The following F10 variants were observed in gnomAD, a reference collection of about 807,000 sequenced individuals.
The protein encoded by F10 is coagulation factor X, also known as Stuart-Prower factor.
Under a neutral mutation model 37.1 loss-of-function variants are expected in F10, and 29 were observed. That is an observed-to-expected ratio of 0.78 (90% CI 0.58 to 1.07). The LOEUF (loss-of-function observed/expected upper bound fraction) is 1.07, where lower values mean the gene tolerates loss of function less well. Among genes scored for constraint, F10 ranks in the 50% least tolerant of loss-of-function variants. The pLI is 0.00. For missense variants in F10, 539 were observed against 667.9 expected (o/e 0.81, Z 2.13); for synonymous variants, 262 against 268.6 (o/e 0.98, Z 0.24).
At position 113,143,452 on chromosome 13, in the gene F10, G is replaced by C. The variant is rs563865926; in HGVS notation, c.503-399G>C. Among the ~76,000 whole-genome samples, 4 of 152,106 alleles carry C rather than the reference G, an allele frequency of 2.6e-5. No homozygotes were observed. In the South Asian group the frequency reaches 6.2e-4, roughly 24 times the overall value. ...TTTTGCAGGGAGTCGCACACGCCCA[G>C]CACTTGGGTTCTCCTGTTGGCATCC... is the stretch of plus-strand genomic sequence containing the variant. On this transcript the variant is annotated intron_variant, in intron 5 of 7. Transcript: ENST00000375559. This position sits in a 1 kb window ranked among gnomAD's most constrained non-coding sequence, Gnocchi z 6.8.
chr13:113,145,454 A>C (rs527711392), intron 6 of F10, among the ~76,000 whole-genome samples: 61 of 152,384 alleles, frequency 4.0e-4, no homozygotes, highest in South Asian at 2.3e-3. Context: ...CTTTCAATTA[A>C]ATTTCAATTT....
chr13:113,143,695 G>A lies in F10; in HGVS notation c.503-156G>A, dbSNP rs532987006. Among the ~76,000 whole-genome samples, 6 of 152,232 alleles carry A rather than the reference G, an allele frequency of 3.9e-5. No individual in the cohort carries two copies. The East Asian group carries it at 5.8e-4, about 15-fold the overall frequency. ...CTCACCTGCAGATCCGACCCCTGCC[G>A]ACGACGTGGGGCCTCGCCCTGCAAG... is the stretch of plus-strand genomic sequence containing the variant. On this transcript the variant is annotated intron_variant, in intron 5 of 7. Transcript: ENST00000375559. The surrounding 1 kb of genome is among the most constrained non-coding windows in gnomAD (Gnocchi z 6.8).
At chr13:113,127,543 G>T (rs992433578) in intron 1 of F10, among the ~76,000 whole-genome samples, 1 of 152,172 alleles carries the variant, frequency 6.6e-6, no homozygotes, top group Non-Finnish European at 1.5e-5. Context: ...GATGTGGACA[G>T]CACAGCCCAC....
Position 113,136,860 on chromosome 13 carries a change from T to C in F10, c.232-1597T>C, listed in dbSNP as rs56175800. Among the ~76,000 whole-genome samples, 13 of 24,302 alleles carry C rather than the reference T, an allele frequency of 5.3e-4. 3 individuals carry two copies. The highest frequency in any genetic ancestry group is 8.0e-4 in the African/African-American group (9 of 11,182). The allele number at this position is 24,302 out of a possible 152,430, so 15.9% of individuals were successfully genotyped here. A position where few individuals can be genotyped will look rare whatever the true frequency, so the allele number is the denominator to read the frequency against. ...AGAGACGGGGTTTCACCGTTTTAGC[T>C]GGGATGGTCTCGATCTCCTGACCTC... On this transcript the variant is annotated intron_variant, in intron 2 of 7. Transcript: ENST00000375559.
intron 4 of F10, chr13:113,140,646 T>C: frequency 1.5e-6 from 1 of 650,732 alleles, no homozygotes; most frequent in Non-Finnish European, 2.9e-6. Context: ...ATGTGAGTGC[T>C]GCTGGGGCAG....
intron 2 of F10, among the ~76,000 whole-genome samples, chr13:113,137,490 G>A (rs1413243919): frequency 6.6e-6 from 1 of 152,182 alleles, no homozygotes; most frequent in African/African-American, 2.4e-5. Flanking sequence ...TTTGCTGTGT[G>A]AGAATTTTAA....
chr13:113,138,519 G>C (rs537014454), intron 3 of F10, 38 bp downstream of exon 3: 13 of 1,304,644 alleles, frequency 1.0e-5, no homozygotes, highest in Non-Finnish European at 1.3e-5. Flanking sequence ...AGTGAGAGGG[G>C]TTCATCAGGA....
chr13:113,144,206 G>T lies in F10; in HGVS notation c.747+111G>T. The T allele has an allele frequency of 6.5e-7, 1 of 1,532,672 alleles. No individual in the cohort carries two copies. 94.9% of individuals were successfully genotyped at this position (1,532,672 alleles called of 1,614,324 possible). ...TAGCAATCCGGGAAGGAACTGTTCC[G>T]AACTAGGACAGAGGGGCTCCGCCAC... is the stretch of plus-strand genomic sequence containing the variant. On this transcript the variant is annotated intron_variant, in intron 6 of 7. Transcript: ENST00000375559. This position sits in a 1 kb window ranked among gnomAD's most constrained non-coding sequence, Gnocchi z 6.4.
At position 113,139,483 on chromosome 13, in the gene F10, G is replaced by A; in HGVS notation, c.370+13G>A. ...AACTGTGAATTATGTAGGTTCCTCTGCTTGGTATACCTTCAGATCAGATGC... is the reference window on the plus strand; with the variant it reads ...AACTGTGAATTATGTAGGTTCCTCTACTTGGTATACCTTCAGATCAGATGC... On this transcript the variant is annotated intron_variant, in intron 4 of 7. Coordinates refer to ENST00000375559, the MANE Select transcript of F10 (RefSeq NM_000504.4). This position sits in a 1 kb window ranked among gnomAD's most constrained non-coding sequence, Gnocchi z 5.2. 1.2e-6 allele frequency: 2 copies of A among 1,600,720 alleles called. No individual in the cohort carries two copies. Among genetic ancestry groups the A allele is most frequent in the Non-Finnish European group, 1.7e-6 (2 of 1,167,838 alleles).
At chr13:113,133,741 A>G (rs1382380918) in intron 2 of F10, among the ~76,000 whole-genome samples, 1 of 152,224 alleles carries the variant, frequency 6.6e-6, no homozygotes, top group Non-Finnish European at 1.5e-5. Context: ...CTACGTAACA[A>G]TATCTCTCAT....
At chr13:113,128,139 G>C (rs1233749007) in intron 1 of F10, 2 of 152,212 alleles carry the variant, frequency 1.3e-5, no homozygotes, top group African/African-American at 4.8e-5. Flanking sequence ...TGATAAAGAA[G>C]CCAAACTCTG....
In F10 at chr13:113,129,468, G is replaced by A. The variant is rs1449584147; in HGVS notation, c.87G>A (p.Glu29=). The change falls in exon 2 of 8, where the codon GAG becomes GAA. Residue 29 remains glutamate, a synonymous_variant. Coordinates refer to ENST00000375559, the MANE Select transcript of F10 (RefSeq NM_000504.4). The part of the protein sequence containing the change: ...LLGESLFIRR[E]QANNILARVT... ...GCCTTCCAGTGTTCATCCGCAGGGA[G>A]CAGGCCAACAACATCCTGGCGAGGG... is the stretch of plus-strand genomic sequence containing the variant. 5 of 1,613,804 alleles carry A rather than the reference G, an allele frequency of 3.1e-6. No homozygotes were observed. The highest frequency in any genetic ancestry group is 1.3e-5 in the African/African-American group (1 of 74,902).
At chr13:113,130,082 C>G (rs1232885995) in intron 2 of F10, 4 of 291,462 alleles carry the variant, frequency 1.4e-5, no homozygotes, top group Non-Finnish European at 2.6e-5. Context: ...AGGCCACGAA[C>G]CCAGTACTGC....
Position 113,126,827 on chromosome 13 carries a change from A to T in F10, c.71-2625A>T, listed in dbSNP as rs11618833. On this transcript the variant is annotated intron_variant, in intron 1 of 7. Transcript: ENST00000375559. ...CTGAGGCTGTGGTCATCCCAACATG[A>T]GAGCCAGAGGCCCCAAGGGAGATGG... Among the ~76,000 whole-genome samples the T allele has an allele frequency of 3.7e-3, 571 of 152,328 alleles. 7 individuals carry two copies. Among genetic ancestry groups the T allele is most frequent in the Non-Finnish European group, 5.6e-3 (383 of 68,026 alleles).
At chr13:113,133,763 T>C (rs1456303530) in intron 2 of F10, among the ~76,000 whole-genome samples, 2 of 152,122 alleles carry the variant, frequency 1.3e-5, no homozygotes, top group Admixed American at 1.3e-4. Flanking sequence ...AATCTAGACA[T>C]AAAAATCCTC....
At position 113,149,157 on chromosome 13, in the gene F10, G is replaced by T; in HGVS notation, c.1107G>T (p.Glu369Asp). 1.2e-6 allele frequency: 2 copies of T among 1,613,026 alleles called. No homozygotes were observed. The highest frequency in any genetic ancestry group is 1.7e-6 in the Non-Finnish European group (2 of 1,180,016). Residue 369 changes from glutamate to aspartate, a missense_variant, in exon 8 of 8, where the codon GAG (glutamate) becomes GAT (aspartate). Transcript: ENST00000375559. This position sits in a 1 kb window ranked among gnomAD's most constrained non-coding sequence, Gnocchi z 7.5. Reference protein sequence around the residue: ...GIVSGFGRTHEKGRQSTRLKM... With the variant: ...GIVSGFGRTHDKGRQSTRLKM... ...TGAGCGGCTTCGGGCGCACCCACGA[G>T]AAGGGCCGGCAGTCCACCAGGCTCA...
chr13:113,124,485 C>T (rs1262854615), intron 1 of F10, among the ~76,000 whole-genome samples: 2 of 152,346 alleles, frequency 1.3e-5, no homozygotes, highest in South Asian at 4.1e-4. Context: ...GTGGACATGG[C>T]CAGCCCCGGA....
Position 113,143,703 on chromosome 13 carries a change from G to GAATACA in F10, c.503-148_503-147insAATACA. The GAATACA allele has an allele frequency of 1.3e-5, 15 of 1,188,304 alleles. No homozygotes were observed. The highest frequency in any genetic ancestry group is 3.0e-4 in the Middle Eastern group (1 of 3,340). 73.6% of individuals were successfully genotyped at this position (1,188,304 alleles called of 1,614,324 possible). On this transcript the variant is annotated intron_variant, in intron 5 of 7. Transcript: ENST00000375559. The surrounding 1 kb of genome is among the most constrained non-coding windows in gnomAD (Gnocchi z 6.8). ...CAGATCCGACCCCTGCCGACGACGT[G>GAATACA]GGGCCTCGCCCTGCAAGCCCGCTGC...
intron 7 of F10, 118 bp from the exon 8 acceptor site, chr13:113,148,796 CAA>C (rs2036609103): frequency 1.3e-6 from 2 of 1,490,500 alleles, no homozygotes; most frequent in Admixed American, 2.2e-5. Flanking sequence ...TTCAAATTTT[CAA>C]AAGTGATCAC....
Sources: gnomAD v4.1 joint callset for allele counts (sites outside exome capture counted in the v4.1 genomes callset) on GRCh38, gnomAD v4.1.1 for gene constraint, Gnocchi (gnomAD v3.1) non-coding constraint, MANE v1.5 for transcripts, NCBI Gene and HGNC (gene_info 2026-07-23, HGNC 2026-07-21) for gene names.